RNF121: variants seen among roughly 807,000 people sequenced by gnomAD.
RNF121 encodes the protein E3 ubiquitin ligase RNF121.
RNF121 carries 21 observed loss-of-function variants against 46.5 expected under a neutral mutation model. The observed-to-expected ratio is 0.45, with a 90% confidence interval of 0.32 to 0.65. The LOEUF (loss-of-function observed/expected upper bound fraction) is 0.65. Ranked by LOEUF, RNF121 falls within the 30% of genes least tolerant of loss-of-function variation. The probability of loss-of-function intolerance (pLI) is 0.04; values close to 1 mark genes in which losing one functional copy is unlikely to be tolerated. For synonymous variants in RNF121, 139 were observed against 144.7 expected (o/e 0.96, Z 0.28); for missense variants, 346 against 416.0 (o/e 0.83, Z 1.46).
In RNF121 at chr11:71,968,196, A is replaced by T. The variant is rs138460444; in HGVS notation, c.243+7305A>T. On this transcript the variant is annotated intron_variant, in intron 3 of 8. Coordinates refer to ENST00000361756, the MANE Select transcript of RNF121 (RefSeq NM_018320.5). ...TGCCTCAGCCTCCCAAGTAGCTGGG[A>T]TTACAGGCTCCTGCCACCATGCCTA... 2.8e-3 allele frequency among the ~76,000 whole-genome samples: 429 copies of T among 152,120 alleles called. 2 individuals carry two copies. The highest frequency in any genetic ancestry group is 9.9e-3 in the African/African-American group (410 of 41,484).
rs1955008004 is a variant in RNF121, at chr11:71,997,438, G to A, written c.*1123G>A. The A allele has an allele frequency of 6.6e-6, 1 of 152,192 alleles. No individual in the cohort carries two copies. Among genetic ancestry groups the A allele is most frequent in the Non-Finnish European group, 1.5e-5 (1 of 68,054 alleles). 9.4% of individuals were successfully genotyped at this position (152,192 alleles called of 1,614,324 possible). ...AGGAAGGCCCCAGCCCTAGTCCTAGGCGACTTGAATAAAGTGGGAGGTCAA... is the reference window on the plus strand; with the variant it reads ...AGGAAGGCCCCAGCCCTAGTCCTAGACGACTTGAATAAAGTGGGAGGTCAA... On this transcript the variant is annotated 3_prime_UTR_variant, in exon 9 of 9. Transcript: ENST00000361756.
intron 1 of RNF121, among the ~76,000 whole-genome samples, chr11:71,942,296 G>T (rs1212898740): frequency 6.6e-6 from 1 of 152,048 alleles, no homozygotes; most frequent in African/African-American, 2.4e-5. Context: ...TTTTTTAAAA[G>T]ATCTTTCTGG....
At chr11:71,985,539 A>C (rs1401603663) in intron 4 of RNF121, among the ~76,000 whole-genome samples, 1 of 152,178 alleles carries the variant, frequency 6.6e-6, no homozygotes, top group African/African-American at 2.4e-5. Flanking sequence ...AGACAACACT[A>C]GAAGGAAGAT....
chr11:71,949,043 A>T (rs147997368), intron 1 of RNF121, among the ~76,000 whole-genome samples: 21 of 152,220 alleles, frequency 1.4e-4, no homozygotes, highest in Non-Finnish European at 2.8e-4. Context: ...TATATTTAAT[A>T]GTCTGTCTCT....
chr11:71,986,945 A>G, intron 4 of RNF121, 59 bp from the exon 5 acceptor site: 1 of 967,318 alleles, frequency 1.0e-6, no homozygotes, highest in East Asian at 2.4e-5. Flanking sequence ...TCTGGTGATC[A>G]GGACCATTAA....
At chr11:71,955,696 A>G (rs1168071404) in intron 1 of RNF121, among the ~76,000 whole-genome samples, 1 of 152,220 alleles carries the variant, frequency 6.6e-6, no homozygotes. Context: ...AGGCTTGGTA[A>G]GATGCAGGTC....
At chr11:71,967,352 T>TG (rs1244878938) in intron 3 of RNF121, among the ~76,000 whole-genome samples, 5 of 134,150 alleles carry the variant, frequency 3.7e-5, no homozygotes, top group Non-Finnish European at 8.1e-5. Flanking sequence ...TTTTTTTGTT[T>TG]TTTTTTTTTT....
intron 1 of RNF121, among the ~76,000 whole-genome samples, chr11:71,930,938 T>C (rs1055787821): frequency 6.6e-6 from 1 of 152,170 alleles, no homozygotes; most frequent in Non-Finnish European, 1.5e-5. Flanking sequence ...GTTCAAACAA[T>C]TCTCCTGCCT....
At position 71,997,290 on chromosome 11, in the gene RNF121, A is replaced by G. The variant is rs1475004917; in HGVS notation, c.*975A>G. On this transcript the variant is annotated 3_prime_UTR_variant, in exon 9 of 9. Coordinates refer to ENST00000361756, the MANE Select transcript of RNF121 (RefSeq NM_018320.5). ...CCTGTGTCAGATGATATGTCCTTGA[A>G]GCTGGCAGGGGATTCCCAGTCCAGG... 1 of 152,200 alleles carries G rather than the reference A, an allele frequency of 6.6e-6. No homozygotes were observed. The highest frequency in any genetic ancestry group is 6.5e-5 in the Admixed American group (1 of 15,282). 9.4% of individuals were successfully genotyped at this position (152,200 alleles called of 1,614,324 possible). A position where few individuals can be genotyped will look rare whatever the true frequency, so the allele number is the denominator to read the frequency against.
intron 4 of RNF121, among the ~76,000 whole-genome samples, chr11:71,984,346 G>T (rs189791343): frequency 7.0e-6 from 1 of 142,546 alleles, no homozygotes; most frequent in Non-Finnish European, 1.5e-5. Flanking sequence ...GCACGATCTC[G>T]GCTCACTCGT....
At chr11:71,956,379 G>A (rs906320015) in intron 1 of RNF121, among the ~76,000 whole-genome samples, 2 of 152,164 alleles carry the variant, frequency 1.3e-5, no homozygotes, top group Non-Finnish European at 2.9e-5. Context: ...AAAGAATATA[G>A]TATTATTCTA....
At chr11:71,964,965 C>G (rs1481404268) in intron 3 of RNF121, among the ~76,000 whole-genome samples, 2 of 152,134 alleles carry the variant, frequency 1.3e-5, no homozygotes, top group African/African-American at 4.8e-5. Flanking sequence ...TGAAGCAGAC[C>G]TGCCTAGAGA....
chr11:71,951,199 A>G (rs1204977629), intron 1 of RNF121, among the ~76,000 whole-genome samples: 16 of 100,130 alleles, frequency 1.6e-4, no homozygotes, highest in Non-Finnish European at 3.4e-4. Flanking sequence ...ACAAGAGCAA[A>G]ACTCCGTCTC....
At chr11:71,950,091 C>T (rs1003123321) in intron 1 of RNF121, among the ~76,000 whole-genome samples, 7 of 152,006 alleles carry the variant, frequency 4.6e-5, no homozygotes, top group Non-Finnish European at 1.0e-4. Flanking sequence ...AATTCTCTAG[C>T]TGTATAGTTG....
At chr11:71,968,318 G>A (rs1051711487) in intron 3 of RNF121, among the ~76,000 whole-genome samples, 31 of 151,998 alleles carry the variant, frequency 2.0e-4, no homozygotes, top group African/African-American at 6.8e-4. Context: ...CCTCGGCCTC[G>A]CAAAGTGCTG....
At chr11:71,953,032 A>G (rs2134167833) in intron 1 of RNF121, among the ~76,000 whole-genome samples, 1 of 152,276 alleles carries the variant, frequency 6.6e-6, no homozygotes, top group East Asian at 1.9e-4. Context: ...ACAGAATAGT[A>G]CATTTTATTT....
intron 3 of RNF121, among the ~76,000 whole-genome samples, chr11:71,970,431 T>C (rs1954396574): frequency 6.6e-6 from 1 of 152,120 alleles, no homozygotes; most frequent in African/African-American, 2.4e-5. Context: ...AAGACTAAGG[T>C]GGAAGGATCA....
In RNF121 at chr11:71,996,480, C is replaced by T. The variant is rs1473345182; in HGVS notation, c.*165C>T. The T allele has an allele frequency of 4.2e-6, 3 of 712,044 alleles. No homozygotes were observed. The highest frequency in any genetic ancestry group is 6.7e-6 in the Non-Finnish European group (3 of 447,194). 44.1% of individuals were successfully genotyped at this position (712,044 alleles called of 1,614,324 possible). On this transcript the variant is annotated 3_prime_UTR_variant, in exon 9 of 9. Coordinates refer to ENST00000361756, the MANE Select transcript of RNF121 (RefSeq NM_018320.5). ...ACTGGGGAGGGATATGATGGAGAGC[C>T]AGCCAGTGGGGCTGTCAGCAGTGGG...
At chr11:71,968,974 C>T (rs1364936469) in intron 3 of RNF121, among the ~76,000 whole-genome samples, 1 of 151,458 alleles carries the variant, frequency 6.6e-6, no homozygotes, top group African/African-American at 2.4e-5. Context: ...CAACCTCCGC[C>T]TCTTGGGTTC....
Sources: allele counts gnomAD v4.1 joint callset (sites outside exome capture counted in the v4.1 genomes callset), GRCh38; gene constraint gnomAD v4.1.1; transcripts MANE v1.5; gene names NCBI Gene and HGNC (gene_info 2026-07-23, HGNC 2026-07-21).